The following CA1 variants were observed in gnomAD, a reference collection of about 807,000 sequenced individuals.
The protein encoded by CA1 is carbonic anhydrase 1, also known as carbonate dehydratase I.
Under a neutral mutation model 28.8 loss-of-function variants are expected in CA1, and 27 were observed. That is an observed-to-expected ratio of 0.94 (90% CI 0.69 to 1.29). CA1 has a LOEUF of 1.29. CA1 is among the 50% of genes most tolerant of loss of function. The probability of loss-of-function intolerance (pLI) is 0.00; values close to 1 mark genes in which losing one functional copy is unlikely to be tolerated. For missense variants in CA1, 335 were observed against 310.5 expected, an observed-to-expected ratio of 1.08 and a Z score of -0.59; for synonymous variants, 121 against 108.8, an observed-to-expected ratio of 1.11 and a Z score of -0.70.
intron 1 of CA1, among the ~76,000 whole-genome samples, chr8:85,360,008 A>C (rs1469758460): frequency 6.6e-6 from 1 of 152,222 alleles, no homozygotes; most frequent in African/African-American, 2.4e-5. Context: ...TGGTTGTAGC[A>C]TTTGGTTAAA....
At chr8:85,329,898 T>G in intron 6 of CA1, 54 bp from the exon 7 acceptor site, 1 of 1,306,514 alleles carries the variant, frequency 7.7e-7, no homozygotes, top group East Asian at 2.5e-5. Flanking sequence ...TATATGAATA[T>G]ATGTGACATA....
intron 5 of CA1, 40 bp from the exon 6 acceptor site, chr8:85,332,592 TATC>T: frequency 6.8e-7 from 1 of 1,467,536 alleles, no homozygotes; most frequent in South Asian, 1.1e-5. Context: ...TAAAGATTAT[TATC>T]AATCGAACAC....
chr8:85,340,485 A>G (rs1362525746), intron 2 of CA1, among the ~76,000 whole-genome samples: 1 of 152,204 alleles, frequency 6.6e-6, no homozygotes, highest in East Asian at 1.9e-4. Flanking sequence ...GAGATGTACA[A>G]GGAGATTGAT....
intron 3 of CA1, chr8:85,337,299 C>T (rs1172603970): frequency 2.8e-5 from 14 of 502,010 alleles, no homozygotes; most frequent in Middle Eastern, 5.5e-4. Flanking sequence ...CCCAGCCACA[C>T]GAGCTACAAT....
chr8:85,362,792 T>G (rs1279853580), intron 1 of CA1, among the ~76,000 whole-genome samples: 3 of 152,202 alleles, frequency 2.0e-5, no homozygotes, highest in Non-Finnish European at 4.4e-5. Flanking sequence ...AAAAGAGTCA[T>G]CCATTGATTC....
chr8:85,332,282 C>T (rs1321574344), intron 6 of CA1: 1 of 539,210 alleles, frequency 1.9e-6, no homozygotes, highest in Non-Finnish European at 3.3e-6. Flanking sequence ...AATAAATAAA[C>T]CATAACTATG....
chr8:85,357,559 A>C (rs1809648628), intron 1 of CA1, among the ~76,000 whole-genome samples: 1 of 152,224 alleles, frequency 6.6e-6, no homozygotes, highest in Non-Finnish European at 1.5e-5. Context: ...CTAATGAAAT[A>C]GAATAAAATC....
chr8:85,341,644 A>C lies in CA1; in HGVS notation c.-9T>G. The stretch of plus-strand genomic sequence containing the variant: ...CAGTCTGGACTTGCCATTATCTTCT[A>C]CTGAGTTTTCTTTTTCTGAAAACAA... On this transcript the variant is annotated 5_prime_UTR_variant, in exon 2 of 8. Coordinates refer to ENST00000523022, the MANE Select transcript of CA1 (RefSeq NM_001128831.4). 6.3e-7 allele frequency: 1 copy of C among 1,588,892 alleles called. No homozygotes were observed. The highest frequency in any genetic ancestry group is 8.6e-7 in the Non-Finnish European group (1 of 1,157,378).
chr8:85,352,609 C>T (rs1485510464), intron 1 of CA1, among the ~76,000 whole-genome samples: 3 of 151,708 alleles, frequency 2.0e-5, no homozygotes, highest in African/African-American at 7.3e-5. Flanking sequence ...CTGCCTATGT[C>T]AGGATGCATG....
intron 4 of CA1, among the ~76,000 whole-genome samples, chr8:85,334,731 G>A (rs980659311): frequency 4.6e-5 from 7 of 151,718 alleles, no homozygotes; most frequent in South Asian, 2.1e-4. Flanking sequence ...AGTATCTCAC[G>A]CCTGTAATTC....
At chr8:85,349,961 C>G (rs913454561) in intron 1 of CA1, 1 of 152,138 alleles carries the variant, frequency 6.6e-6, no homozygotes, top group Middle Eastern at 3.2e-3. Flanking sequence ...GAATCCTGTC[C>G]TCTTACCTGA....
chr8:85,350,350 A>C (rs1809356179), intron 1 of CA1, among the ~76,000 whole-genome samples: 1 of 152,180 alleles, frequency 6.6e-6, no homozygotes, highest in Non-Finnish European at 1.5e-5. Flanking sequence ...CTTAGGCAAC[A>C]GTTTTCAAGT....
chr8:85,339,258 A>T (rs540162361), intron 2 of CA1, among the ~76,000 whole-genome samples: 88 of 152,280 alleles, frequency 5.8e-4, no homozygotes, highest in Middle Eastern at 3.4e-3. Context: ...TTTCAACAGC[A>T]TGTGTTTATT....
intron 1 of CA1, among the ~76,000 whole-genome samples, chr8:85,366,488 T>C (rs970282976): frequency 6.6e-6 from 1 of 152,182 alleles, no homozygotes; most frequent in South Asian, 2.1e-4. Context: ...ACCATGGGAA[T>C]GGGAGGCAAA....
chr8:85,348,119 A>T (rs1809273212), intron 1 of CA1, among the ~76,000 whole-genome samples: 1 of 152,210 alleles, frequency 6.6e-6, no homozygotes, highest in African/African-American at 2.4e-5. Flanking sequence ...CTTTAGGAAG[A>T]ATACTGAATT....
intron 1 of CA1, among the ~76,000 whole-genome samples, chr8:85,355,549 C>CTTTT (rs11353842): frequency 1.6e-4 from 17 of 108,698 alleles, no homozygotes; most frequent in East Asian, 4.9e-4. Flanking sequence ...TGTCTAGTTC[C>CTTTT]TTTTTTTTTT....
chr8:85,353,088 G>A lies in CA1; in HGVS notation c.-24-11429C>T, dbSNP rs532637630. 4.3e-4 allele frequency among the ~76,000 whole-genome samples: 66 copies of A among 152,306 alleles called. 1 individual carries two copies. In the South Asian group the frequency reaches 0.012, roughly 29 times the overall value. ...GAGCCAGAACCAAAGGGCACTGTGT[G>A]CTCTCCAGTGGTCAAAAATTTGAGG... On this transcript the variant is annotated intron_variant, in intron 1 of 7. Transcript: ENST00000523022.
chr8:85,334,390 T>C (rs1808550526), intron 4 of CA1, among the ~76,000 whole-genome samples: 1 of 152,196 alleles, frequency 6.6e-6, no homozygotes, highest in African/African-American at 2.4e-5. Context: ...GCCTTTGCAT[T>C]AGCTTCTAAT....
chr8:85,352,598 G>A (rs554758709), intron 1 of CA1, among the ~76,000 whole-genome samples: 1 of 151,660 alleles, frequency 6.6e-6, no homozygotes, highest in Non-Finnish European at 1.5e-5. Context: ...GCCACTGACT[G>A]CTGCCTATGT....
Sources: gnomAD v4.1 joint callset for allele counts (sites outside exome capture counted in the v4.1 genomes callset) on GRCh38, gnomAD v4.1.1 for gene constraint, MANE v1.5 for transcripts, NCBI Gene and HGNC (gene_info 2026-07-23, HGNC 2026-07-21) for gene names.